CLOCK: variants seen among roughly 807,000 people sequenced by gnomAD.
CLOCK encodes the protein clock circadian regulator.
Under a neutral mutation model 118.4 loss-of-function variants are expected in CLOCK, and 43 were observed. The ratio of observed to expected loss-of-function variants is 0.36; its 90% CI spans 0.28 to 0.47. The LOEUF (loss-of-function observed/expected upper bound fraction) is 0.47. Among genes scored for constraint, CLOCK ranks in the 20% least tolerant of loss-of-function variants. The probability of loss-of-function intolerance (pLI) is 1.00; values close to 1 mark genes in which losing one functional copy is unlikely to be tolerated. For missense variants in CLOCK, 846 were observed against 999.9 expected, an observed-to-expected ratio of 0.85 and a Z score of 2.08; for synonymous variants, 326 against 339.2, an observed-to-expected ratio of 0.96 and a Z score of 0.43.
intron 1 of CLOCK, among the ~76,000 whole-genome samples, chr4:55,534,009 C>T (rs1455588250): frequency 6.6e-6 from 1 of 152,160 alleles, no homozygotes; most frequent in Non-Finnish European, 1.5e-5. Context: ...AGTAAACTCT[C>T]GATGTTTTCC....
chr4:55,526,639 G>A (rs1399172731), intron 1 of CLOCK, among the ~76,000 whole-genome samples: 3 of 151,808 alleles, frequency 2.0e-5, no homozygotes, highest in African/African-American at 7.3e-5. Context: ...AAGGTGCAGT[G>A]TAGACAGTAA....
At chr4:55,525,210 T>A (rs569904683) in intron 1 of CLOCK, among the ~76,000 whole-genome samples, 5 of 152,228 alleles carry the variant, frequency 3.3e-5, no homozygotes, top group East Asian at 1.9e-4. Flanking sequence ...CAGTGGTTCA[T>A]GTCTGTAATC....
In CLOCK at chr4:55,532,812, A is replaced by C. The variant is rs555683463; in HGVS notation, c.-290+13970T>G. On this transcript the variant is annotated intron_variant, in intron 1 of 22. Transcript: ENST00000513440. ...CAGTGAGCCATGATTGTGCCACTGC[A>C]CTCCAGCCTAGGTGACAGAGACCCT... Among the ~76,000 whole-genome samples, 42 of 152,006 alleles carry C rather than the reference A, an allele frequency of 2.8e-4. No individual in the cohort carries two copies. The East Asian group carries it at 7.2e-3, about 26-fold the overall frequency.
chr4:55,491,154 G>A (rs73236147), intron 2 of CLOCK, among the ~76,000 whole-genome samples: 41 of 146,868 alleles, frequency 2.8e-4, no homozygotes, highest in Non-Finnish European at 5.4e-4. Flanking sequence ...TGTATGGGAT[G>A]CAGCAAAAGT....
chr4:55,443,924 G>A (rs746531985), intron 19 of CLOCK, 28 bp from the exon 20 acceptor site: 2 of 1,585,806 alleles, frequency 1.3e-6, no homozygotes, highest in East Asian at 2.2e-5. Context: ...ATGTTAAAAT[G>A]AGCTTTGTAG....
At chr4:55,533,679 G>T (rs1211395843) in intron 1 of CLOCK, among the ~76,000 whole-genome samples, 1 of 151,950 alleles carries the variant, frequency 6.6e-6, no homozygotes, top group African/African-American at 2.4e-5. Context: ...AAGGCAGGTG[G>T]ATCACCTGAG....
rs1722366654 is a variant in CLOCK, at chr4:55,429,262, A to G, written c.*6153T>C. 2 of 152,330 alleles carry G rather than the reference A, an allele frequency of 1.3e-5. No homozygotes were observed. The highest frequency in any genetic ancestry group is 1.3e-4 in the Admixed American group (2 of 15,302). 9.4% of individuals were successfully genotyped at this position (152,330 alleles called of 1,614,324 possible). ...TCAGTTTAACCCTCAGAGTTAAGAA[A>G]TATTTTTTAGATCATTAAATTCAAT... On this transcript the variant is annotated 3_prime_UTR_variant, in exon 23 of 23. Coordinates refer to ENST00000513440, the MANE Select transcript of CLOCK (RefSeq NM_004898.4).
Position 55,450,106 on chromosome 4 carries a change from C to T in CLOCK, c.1333G>A (p.Val445Ile), listed in dbSNP as rs371941858. 1.5e-5 allele frequency: 25 copies of T among 1,613,868 alleles called. No homozygotes were observed. Among genetic ancestry groups the T allele is most frequent in the African/African-American group, 8.0e-5 (6 of 74,858 alleles). ...RSSRKSSHTA[V>I]SDPSSTPTKI... ...GGGTACTCACAGGAAGGGTCTGAGACGGCCGTGTGAGATGATTTTCTTGAA... is the reference window on the plus strand; with the variant it reads ...GGGTACTCACAGGAAGGGTCTGAGATGGCCGTGTGAGATGATTTTCTTGAA... Residue 445 changes from valine to isoleucine, a missense_variant, in exon 16 of 23, where the codon GTC becomes ATC. Val to Ile is a conservative substitution (Grantham distance 29). Around this residue, in one of 4 missense-constraint regions of CLOCK, gnomAD observed 520 missense variants for 558.0 expected, o/e 0.93. Coordinates refer to ENST00000513440, the MANE Select transcript of CLOCK (RefSeq NM_004898.4).
chr4:55,521,431 C>T (rs905027595), intron 1 of CLOCK, among the ~76,000 whole-genome samples: 4 of 152,162 alleles, frequency 2.6e-5, no homozygotes, highest in Non-Finnish European at 4.4e-5. Flanking sequence ...TTAGTCACAC[C>T]GGTCTTGAAC....
rs906985979 is a variant in CLOCK at position 55,485,791 on chromosome 4, A to T, written c.-43-2963T>A. ...CAAAGGATAAATGCTTGAGGGGATG[A>T]CATCCCATTTTACATGGCATAATTA... On this transcript the variant is annotated intron_variant, in intron 3 of 22. Coordinates refer to ENST00000513440, the MANE Select transcript of CLOCK (RefSeq NM_004898.4). Among the ~76,000 whole-genome samples the T allele has an allele frequency of 2.0e-5, 3 of 152,238 alleles. No homozygotes were observed. In the South Asian group the frequency reaches 6.2e-4, roughly 32 times the overall value.
At chr4:55,520,130 A>C (rs923759989) in intron 1 of CLOCK, among the ~76,000 whole-genome samples, 2 of 152,212 alleles carry the variant, frequency 1.3e-5, no homozygotes, top group African/African-American at 4.8e-5. Context: ...GTTATCCTAT[A>C]AAACTGTCAT....
intron 2 of CLOCK, among the ~76,000 whole-genome samples, chr4:55,502,101 C>T (rs575551544): frequency 6.6e-6 from 1 of 152,298 alleles, no homozygotes; most frequent in African/African-American, 2.4e-5. Context: ...TACAACCTTG[C>T]AATTGATTGG....
At chr4:55,506,412 G>T (rs369618631) in intron 2 of CLOCK, among the ~76,000 whole-genome samples, 2 of 151,680 alleles carry the variant, frequency 1.3e-5, no homozygotes, top group African/African-American at 4.8e-5. Context: ...GATTTTAAAA[G>T]TGGAATTCTT....
rs1577657628 is a variant in CLOCK at position 55,433,219 on chromosome 4, A to C, written c.*2196T>G. Reference sequence around the variant, plus strand: ...TATGCTCAGGTACATACATATTCTGACAACTATTCTTGATATTCATGGGAA... The same window carrying C: ...TATGCTCAGGTACATACATATTCTGCCAACTATTCTTGATATTCATGGGAA... On this transcript the variant is annotated 3_prime_UTR_variant, in exon 23 of 23. Coordinates refer to ENST00000513440, the MANE Select transcript of CLOCK (RefSeq NM_004898.4). 1 of 152,746 alleles carries C rather than the reference A, an allele frequency of 6.5e-6. No individual in the cohort carries two copies. Among genetic ancestry groups the C allele is most frequent in the African/African-American group, 2.4e-5 (1 of 41,562 alleles). The allele number at this position is 152,746 out of a possible 1,614,324, so 9.5% of individuals were successfully genotyped here. A position where few individuals can be genotyped will look rare whatever the true frequency, so the allele number is the denominator to read the frequency against.
chr4:55,509,946 T>G lies in CLOCK; in HGVS notation c.-170A>C, dbSNP rs1729036300. ...CAAAATGATGATTGAAGGTATCTAG[T>G]GAGACTTGCCAAGTTCTAAAGATTC... On this transcript the variant is annotated 5_prime_UTR_variant, in exon 2 of 23. Coordinates refer to ENST00000513440, the MANE Select transcript of CLOCK (RefSeq NM_004898.4). 1 of 152,176 alleles carries G rather than the reference T, an allele frequency of 6.6e-6. No homozygotes were observed. Among genetic ancestry groups the G allele is most frequent in the Admixed American group, 6.5e-5 (1 of 15,280 alleles). The allele number at this position is 152,176 out of a possible 1,614,324, so 9.4% of individuals were successfully genotyped here. A position where few individuals can be genotyped will look rare whatever the true frequency, so the allele number is the denominator to read the frequency against.
At chr4:55,503,752 C>T (rs944562716) in intron 2 of CLOCK, among the ~76,000 whole-genome samples, 10 of 151,858 alleles carry the variant, frequency 6.6e-5, no homozygotes, top group African/African-American at 2.2e-4. Context: ...GTCATGTTCA[C>T]GTTCTTTCTT....
At chr4:55,437,529 T>C (rs1431570513) in intron 22 of CLOCK, among the ~76,000 whole-genome samples, 1 of 152,228 alleles carries the variant, frequency 6.6e-6, no homozygotes, top group African/African-American at 2.4e-5. Context: ...TATCTGTGTC[T>C]ATATTTTGGC....
intron 1 of CLOCK, among the ~76,000 whole-genome samples, chr4:55,512,208 G>C (rs1016520869): frequency 2.6e-5 from 4 of 152,110 alleles, no homozygotes; most frequent in African/African-American, 9.7e-5. Flanking sequence ...AACCAGCAAT[G>C]AATGAGAGTT....
At chr4:55,507,885 C>T (rs1728910241) in intron 2 of CLOCK, among the ~76,000 whole-genome samples, 1 of 152,018 alleles carries the variant, frequency 6.6e-6, no homozygotes, top group Admixed American at 6.6e-5. Flanking sequence ...GGCACAGAAC[C>T]CACTCTTAGG....
Sources: gnomAD v4.1 joint callset for allele counts (sites outside exome capture counted in the v4.1 genomes callset) on GRCh38, gnomAD v4.1.1 for gene constraint, gnomAD v4.1.1 regional missense constraint, MANE v1.5 for transcripts, NCBI Gene and HGNC (gene_info 2026-07-23, HGNC 2026-07-21) for gene names.